NCALD: variants seen among roughly 807,000 people sequenced by gnomAD.
NCALD encodes the protein neurocalcin-delta.
NCALD carries 10 observed loss-of-function variants against 18.6 expected under a neutral mutation model. The ratio of observed to expected loss-of-function variants is 0.54; its 90% CI spans 0.33 to 0.91. The LOEUF (loss-of-function observed/expected upper bound fraction) is 0.91. NCALD is among the 40% of genes least tolerant of loss of function. The pLI is 0.03. For missense variants in NCALD, 184 were observed against 247.6 expected (o/e 0.74, Z 1.72); for synonymous variants, 88 against 87.4 (o/e 1.01, Z -0.04).
At chr8:102,037,724 G>C (rs192006994) in intron 1 of NCALD, among the ~76,000 whole-genome samples, 38 of 151,840 alleles carry the variant, frequency 2.5e-4, no homozygotes, top group Admixed American at 2.3e-3. Flanking sequence ...AAGTATTCCT[G>C]ATAGGCCACT....
rs1001285038 is a variant in NCALD, at chr8:101,688,632, T to C, written c.*677A>G. 3 of 458,694 alleles carry C rather than the reference T, an allele frequency of 6.5e-6. No homozygotes were observed. The highest frequency in any genetic ancestry group is 2.3e-5 in the Admixed American group (1 of 42,592). 28.4% of individuals were successfully genotyped at this position (458,694 alleles called of 1,614,324 possible). A position where few individuals can be genotyped will look rare whatever the true frequency, so the allele number is the denominator to read the frequency against. On this transcript the variant is annotated 3_prime_UTR_variant, in exon 4 of 4. Coordinates refer to ENST00000220931, the MANE Select transcript of NCALD (RefSeq NM_032041.3). ...AGATGGGTCTGGTTTTGGAATATGT[T>C]ACCATTTGTGTTTAATTTCCAAAGA...
chr8:101,943,232 C>A (rs534647705), intron 2 of NCALD, among the ~76,000 whole-genome samples: 1 of 152,146 alleles, frequency 6.6e-6, no homozygotes, highest in South Asian at 2.1e-4. Context: ...AACAGGCACT[C>A]GAAGAGAAAA....
chr8:101,771,889 C>T (rs1321363838), intron 1 of NCALD, among the ~76,000 whole-genome samples: 1 of 152,194 alleles, frequency 6.6e-6, no homozygotes, highest in Non-Finnish European at 1.5e-5. Context: ...CTAGGTTATC[C>T]CATTCATTCA....
At chr8:101,740,539 G>C (rs1214310513) in intron 1 of NCALD, among the ~76,000 whole-genome samples, 1 of 152,238 alleles carries the variant, frequency 6.6e-6, no homozygotes, top group East Asian at 1.9e-4. Flanking sequence ...CAGAGGCTCA[G>C]AAAGGATGTG....
intron 3 of NCALD, among the ~76,000 whole-genome samples, chr8:101,911,597 A>C (rs1426741757): frequency 1.3e-5 from 2 of 152,004 alleles, no homozygotes; most frequent in Non-Finnish European, 2.9e-5. Flanking sequence ...ACCACAAGTG[A>C]TCTGCCACCT....
chr8:101,877,361 G>A (rs1050647535), intron 4 of NCALD, among the ~76,000 whole-genome samples: 1 of 152,206 alleles, frequency 6.6e-6, no homozygotes. Context: ...AGGTTACCCA[G>A]CATTCCCTGA....
intron 4 of NCALD, among the ~76,000 whole-genome samples, chr8:101,850,242 C>T (rs1815036859): frequency 6.6e-6 from 1 of 152,294 alleles, no homozygotes; most frequent in Non-Finnish European, 1.5e-5. Flanking sequence ...TCTCTAATAT[C>T]CTGAAGCACT....
intron 1 of NCALD, among the ~76,000 whole-genome samples, chr8:102,032,149 G>A (rs935090962): frequency 1.3e-5 from 2 of 152,086 alleles, no homozygotes; most frequent in African/African-American, 4.8e-5. Context: ...CATAAAATCA[G>A]CTAAGTGAAG....
At chr8:101,750,304 G>A (rs1431049034) in intron 1 of NCALD, 3 of 152,190 alleles carry the variant, frequency 2.0e-5, no homozygotes, top group African/African-American at 7.2e-5. Context: ...ACCATATCAG[G>A]TGGAAACACT....
At chr8:102,047,148 G>T (rs904023296) in intron 1 of NCALD, among the ~76,000 whole-genome samples, 2 of 143,176 alleles carry the variant, frequency 1.4e-5, no homozygotes, top group African/African-American at 4.9e-5. Context: ...ACATGATCTC[G>T]TTCTTTTTAC....
intron 1 of NCALD, among the ~76,000 whole-genome samples, chr8:102,089,229 C>A (rs1271110256): frequency 6.6e-6 from 1 of 152,024 alleles, no homozygotes; most frequent in East Asian, 1.9e-4. Context: ...CCCATCTCTA[C>A]TAAAAACACA....
chr8:101,703,452 G>C (rs1815365788), intron 2 of NCALD, among the ~76,000 whole-genome samples: 1 of 152,148 alleles, frequency 6.6e-6, no homozygotes. Context: ...AGAGAGTGTG[G>C]CTTCTGGCCA....
chr8:101,836,012 G>C (rs1248777194), intron 4 of NCALD, among the ~76,000 whole-genome samples: 3 of 152,028 alleles, frequency 2.0e-5, no homozygotes, highest in Non-Finnish European at 2.9e-5. Context: ...TCACACAGAA[G>C]CTCTCCAACA....
At chr8:101,983,241 C>T (rs1820688439) in intron 2 of NCALD, among the ~76,000 whole-genome samples, 1 of 152,172 alleles carries the variant, frequency 6.6e-6, no homozygotes, top group Non-Finnish European at 1.5e-5. Flanking sequence ...CATGTTTTCT[C>T]TTCTTCCCCA....
intron 1 of NCALD, among the ~76,000 whole-genome samples, chr8:102,078,278 T>C (rs1289586561): frequency 6.6e-6 from 1 of 152,058 alleles, no homozygotes; most frequent in Non-Finnish European, 1.5e-5. Flanking sequence ...ACCACCCTAA[T>C]CCCAGCTGCC....
chr8:101,757,224 C>T (rs1810919636), intron 1 of NCALD, among the ~76,000 whole-genome samples: 2 of 152,170 alleles, frequency 1.3e-5, no homozygotes, highest in South Asian at 4.1e-4. Flanking sequence ...TCACTAGAAC[C>T]TCTCATAACA....
intron 1 of NCALD, among the ~76,000 whole-genome samples, chr8:102,116,459 C>T (rs1825790397): frequency 6.6e-6 from 1 of 151,892 alleles, no homozygotes; most frequent in Admixed American, 6.6e-5. Flanking sequence ...GTGTCCAAGA[C>T]TTTTTTGGGT....
At chr8:102,039,776 G>C (rs1428458146) in intron 1 of NCALD, among the ~76,000 whole-genome samples, 1 of 152,102 alleles carries the variant, frequency 6.6e-6, no homozygotes, top group Non-Finnish European at 1.5e-5. Context: ...GTTTGGAAAG[G>C]GGGTAGATCC....
At chr8:101,755,085 G>A (rs1810819751) in intron 1 of NCALD, among the ~76,000 whole-genome samples, 1 of 152,186 alleles carries the variant, frequency 6.6e-6, no homozygotes, top group African/African-American at 2.4e-5. Flanking sequence ...TAATTTCTTT[G>A]TGTGTGAGTC....
Sources: gnomAD v4.1 joint callset for allele counts (sites outside exome capture counted in the v4.1 genomes callset) on GRCh38, gnomAD v4.1.1 for gene constraint, MANE v1.5 for transcripts, NCBI Gene and HGNC (gene_info 2026-07-23, HGNC 2026-07-21) for gene names.